ENOX1: variants seen among roughly 807,000 people sequenced by gnomAD.
ENOX1 encodes candidate growth-related and time keeping constitutive hydroquinone (NADH) oxidase.
Under a neutral mutation model 82.5 loss-of-function variants are expected in ENOX1, and 42 were observed. The ratio of observed to expected loss-of-function variants is 0.51; its 90% confidence interval spans 0.40 to 0.66. The LOEUF (loss-of-function observed/expected upper bound fraction) is 0.66. Ranked by LOEUF, ENOX1 falls within the 30% of genes least tolerant of loss-of-function variation. The probability of loss-of-function intolerance (pLI) is 0.00; values close to 1 mark genes in which losing one functional copy is unlikely to be tolerated. For synonymous variants in ENOX1, 271 were observed against 282.2 expected (o/e 0.96, Z 0.40); for missense variants, 608 against 811.6 (o/e 0.75, Z 3.05).
chr13:43,362,906 G>C (rs2050621539), intron 5 of ENOX1, among the ~76,000 whole-genome samples: 1 of 147,770 alleles, frequency 6.8e-6, no homozygotes, highest in South Asian at 2.1e-4. Context: ...TGTGACTTCA[G>C]TAAAAGGAGG....
At chr13:43,776,164 C>T (rs1566913395) in intron 1 of ENOX1, among the ~76,000 whole-genome samples, 2 of 151,930 alleles carry the variant, frequency 1.3e-5, no homozygotes, top group Non-Finnish European at 2.9e-5. Flanking sequence ...ATCATAAGAC[C>T]AATATGTTAG....
intron 2 of ENOX1, among the ~76,000 whole-genome samples, chr13:43,489,646 C>T (rs2153661033): frequency 6.6e-6 from 1 of 152,298 alleles, no homozygotes; most frequent in South Asian, 2.1e-4. Flanking sequence ...TGTAGAGCCA[C>T]AGCATGCAAC....
intron 2 of ENOX1, among the ~76,000 whole-genome samples, chr13:43,657,949 A>C (rs1392266140): frequency 6.6e-6 from 1 of 152,184 alleles, no homozygotes; most frequent in Non-Finnish European, 1.5e-5. Flanking sequence ...TAAAACTATT[A>C]ATGTTTTTAA....
intron 1 of ENOX1, among the ~76,000 whole-genome samples, chr13:43,719,017 T>C (rs2088362396): frequency 6.6e-6 from 1 of 152,152 alleles, no homozygotes; most frequent in African/African-American, 2.4e-5. Flanking sequence ...TTATTTTTCC[T>C]ACCACTATTC....
At chr13:43,659,428 T>C (rs1003935894) in intron 2 of ENOX1, among the ~76,000 whole-genome samples, 7 of 151,840 alleles carry the variant, frequency 4.6e-5, no homozygotes, top group African/African-American at 1.7e-4. Flanking sequence ...AGGCAGAGGT[T>C]GTGGTGAGCC....
intron 8 of ENOX1, among the ~76,000 whole-genome samples, chr13:43,348,279 A>C (rs966431221): frequency 1.5e-4 from 23 of 152,224 alleles, no homozygotes; most frequent in South Asian, 4.1e-4. Flanking sequence ...CATTAGTCGC[A>C]CTGTATGGTA....
chr13:43,526,097 A>C (rs1334793516), intron 2 of ENOX1, among the ~76,000 whole-genome samples: 2 of 152,140 alleles, frequency 1.3e-5, no homozygotes, highest in African/African-American at 4.8e-5. Flanking sequence ...TGGATGGTTA[A>C]AGTTTTTTGA....
At chr13:43,536,609 T>C (rs999761431) in intron 2 of ENOX1, among the ~76,000 whole-genome samples, 12 of 152,088 alleles carry the variant, frequency 7.9e-5, no homozygotes, top group South Asian at 2.1e-4. Flanking sequence ...AAGAAAAATA[T>C]ACATTCCAAA....
chr13:43,716,634 T>G (rs1477207159), intron 1 of ENOX1, among the ~76,000 whole-genome samples: 1 of 152,140 alleles, frequency 6.6e-6, no homozygotes, highest in Non-Finnish European at 1.5e-5. Context: ...TAGAAAAGCC[T>G]AAAGACTCCA....
chr13:43,227,747 G>A (rs1310543969), intron 15 of ENOX1, among the ~76,000 whole-genome samples: 4 of 152,154 alleles, frequency 2.6e-5, no homozygotes, highest in Admixed American at 1.3e-4. Context: ...TGTGGTAGCT[G>A]ATATTAAGAA....
chr13:43,404,062 G>C (rs1479938706), intron 5 of ENOX1, among the ~76,000 whole-genome samples: 1 of 152,022 alleles, frequency 6.6e-6, no homozygotes, highest in Non-Finnish European at 1.5e-5. Context: ...TTGGACAGCA[G>C]CCTTCTAGAT....
In ENOX1 at chr13:43,217,328, T is replaced by C. The variant is rs2041540045; in HGVS notation, c.1801-3207A>G. On this transcript the variant is annotated intron_variant, in intron 16 of 16. Transcript: ENST00000690772. The stretch of plus-strand genomic sequence containing the variant: ...AACTCACCTGGCTCACACACGTTCA[T>C]ATTGCTGATGCTCGGGCACCCCCAC... 2.6e-5 allele frequency among the ~76,000 whole-genome samples: 4 copies of C among 152,300 alleles called. No individual in the cohort carries two copies. In the South Asian group the frequency reaches 8.3e-4, roughly 32 times the overall value.
chr13:43,605,707 A>C (rs2081948057), intron 2 of ENOX1, among the ~76,000 whole-genome samples: 1 of 152,308 alleles, frequency 6.6e-6, no homozygotes, highest in African/African-American at 2.4e-5. Context: ...AAACTACTAC[A>C]AGAAAACACT....
At position 43,654,058 on chromosome 13, in the gene ENOX1, T is replaced by C. The variant is rs141012453; in HGVS notation, c.-219+13421A>G. 5.7e-3 allele frequency among the ~76,000 whole-genome samples: 861 copies of C among 152,316 alleles called. 4 individuals are homozygous for C. The highest frequency in any genetic ancestry group is 0.01 in the Non-Finnish European group (697 of 68,016). On this transcript the variant is annotated intron_variant, in intron 2 of 16. Transcript: ENST00000690772. Reference sequence around the variant, plus strand: ...ACCTGGCTGGGCTAGAGTGCTCAGTTCTTAAGTCCAACACTAGTTTAGATG... The same window carrying C: ...ACCTGGCTGGGCTAGAGTGCTCAGTCCTTAAGTCCAACACTAGTTTAGATG...
intron 2 of ENOX1, among the ~76,000 whole-genome samples, chr13:43,620,844 T>TATTGA (rs2082694274): frequency 6.6e-6 from 1 of 152,102 alleles, no homozygotes; most frequent in African/African-American, 2.4e-5. Context: ...GTCAGTGGAG[T>TATTGA]ATTGAAGTCC....
At chr13:43,633,439 G>A (rs2083294276) in intron 2 of ENOX1, among the ~76,000 whole-genome samples, 1 of 152,106 alleles carries the variant, frequency 6.6e-6, no homozygotes, top group South Asian at 2.1e-4. Flanking sequence ...AAGATACAAG[G>A]TAGTTCACCA....
At chr13:43,669,224 T>C (rs1392147856) in intron 1 of ENOX1, among the ~76,000 whole-genome samples, 2 of 152,134 alleles carry the variant, frequency 1.3e-5, no homozygotes, top group African/African-American at 2.4e-5. Context: ...GTCAGGAAAA[T>C]GTCTTCAGCA....
At chr13:43,517,659 G>A (rs975589340) in intron 2 of ENOX1, among the ~76,000 whole-genome samples, 1 of 152,154 alleles carries the variant, frequency 6.6e-6, no homozygotes, top group African/African-American at 2.4e-5. Flanking sequence ...ATCAACTCCA[G>A]TATGGGCCAG....
At chr13:43,541,324 C>T (rs890280957) in intron 2 of ENOX1, among the ~76,000 whole-genome samples, 1 of 151,400 alleles carries the variant, frequency 6.6e-6, no homozygotes, top group Non-Finnish European at 1.5e-5. Context: ...GACAGTGAGA[C>T]CTCATCTCTA....
Sources: gnomAD v4.1 joint callset for allele counts (sites outside exome capture counted in the v4.1 genomes callset) on GRCh38, gnomAD v4.1.1 for gene constraint, MANE v1.5 for transcripts, NCBI Gene and HGNC (gene_info 2026-07-23, HGNC 2026-07-21) for gene names.